Variants in USP34 observed in about 807,000 individuals in gnomAD.
The protein encoded by USP34 is ubiquitin carboxyl-terminal hydrolase 34.
A neutral mutation model predicts 460.3 loss-of-function variants in USP34; 70 were observed. That is an observed-to-expected ratio of 0.15 (90% CI 0.13 to 0.19). The LOEUF (loss-of-function observed/expected upper bound fraction) is 0.19, where lower values mean the gene tolerates loss of function less well. Ranked by LOEUF, USP34 falls within the 10% of genes least tolerant of loss-of-function variation. The pLI, the probability that USP34 is intolerant of heterozygous loss-of-function variation, is 1.00. For missense variants in USP34, 3,985 were observed against 4,236.2 expected, an observed-to-expected ratio of 0.94 and a Z score of 1.65; for synonymous variants, 1,647 against 1,405.3, an observed-to-expected ratio of 1.17 and a Z score of -3.85.
chr2:61,371,588 TAA>T (rs1394182878), intron 8 of USP34, among the ~76,000 whole-genome samples: 7 of 151,902 alleles, frequency 4.6e-5, no homozygotes, highest in African/African-American at 1.5e-4. Flanking sequence ...TAAAAGTAAA[TAA>T]AAAGTTAGAG....
chr2:61,319,033 A>T (rs192358563), intron 22 of USP34, 140 bp downstream of exon 22: 3 of 757,866 alleles, frequency 4.0e-6, no homozygotes, highest in Non-Finnish European at 5.9e-6. Context: ...ACCAAAAATT[A>T]TATTAGGACT....
At chr2:61,402,310 T>TCC (rs944703199) in intron 3 of USP34, among the ~76,000 whole-genome samples, 2 of 152,020 alleles carry the variant, frequency 1.3e-5, no homozygotes, top group Admixed American at 6.6e-5. Flanking sequence ...ACTAGGCCAT[T>TCC]CCCCCTTTTG....
At chr2:61,362,577 G>A (rs1033651596) in intron 10 of USP34, among the ~76,000 whole-genome samples, 19 of 152,164 alleles carry the variant, frequency 1.2e-4, no homozygotes, top group African/African-American at 4.6e-4. Flanking sequence ...GATAAATGCT[G>A]CATAGTCTCA....
chr2:61,305,862 T>C (rs1216342732), intron 27 of USP34, among the ~76,000 whole-genome samples: 1 of 152,080 alleles, frequency 6.6e-6, no homozygotes, highest in African/African-American at 2.4e-5. Context: ...AGCCAAATAA[T>C]AACAGAACAA....
chr2:61,405,218 G>A (rs1400306599), intron 3 of USP34, among the ~76,000 whole-genome samples: 5 of 98,600 alleles, frequency 5.1e-5, no homozygotes, highest in African/African-American at 2.1e-4. Flanking sequence ...GGGCAACAGA[G>A]AGAGACTCCA....
In USP34 at chr2:61,293,499, T is replaced by C. The variant is rs767699479; in HGVS notation, c.4513A>G (p.Ile1505Val). ...QQLLEIFNSG[I>V]LEPKEQESWT... ...GATTCCTGCTCTTTAGGCTCTAGAATTCCAGAATTAAAAATTTCTAATAAC... is the reference window on the plus strand; with the variant it reads ...GATTCCTGCTCTTTAGGCTCTAGAACTCCAGAATTAAAAATTTCTAATAAC... Residue 1505 changes from isoleucine to valine, a missense_variant, in exon 33 of 80, where the codon ATT becomes GTT. Physicochemically the swap from Ile to Val is conservative, Grantham distance 29. This residue lies in a region of USP34 where 1,114 missense variants were observed against 1,122.5 expected (regional missense o/e 0.99). Transcript: ENST00000398571. 5.0e-6 allele frequency: 8 copies of C among 1,613,068 alleles called. No individual in the cohort carries two copies. In the South Asian group the frequency reaches 8.8e-5, roughly 18 times the overall value.
chr2:61,246,174 T>C, intron 50 of USP34, 150 bp downstream of exon 50: 1 of 506,882 alleles, frequency 2.0e-6, no homozygotes, highest in Non-Finnish European at 3.3e-6. Context: ...AGAACTGATT[T>C]ACACTGTCTG....
In USP34 at chr2:61,232,540, A is replaced by G. The variant is rs771768334; in HGVS notation, c.7033-8T>C. On this transcript the variant is annotated splice_polypyrimidine_tract_variant and splice_region_variant and intron_variant, in intron 57 of 79. Transcript: ENST00000398571. ...CATACGATCTAAAAACCACTGTTAA[A>G]AAAAAATACAGCATGACTTTAACAT... 30 of 1,599,026 alleles carry G rather than the reference A, an allele frequency of 1.9e-5. No individual in the cohort carries two copies. Among genetic ancestry groups the G allele is most frequent in the Non-Finnish European group, 2.6e-5 (30 of 1,175,190 alleles).
intron 74 of USP34, among the ~76,000 whole-genome samples, chr2:61,203,769 T>C (rs1226262254): frequency 6.6e-6 from 1 of 152,154 alleles, no homozygotes; most frequent in African/African-American, 2.4e-5. Context: ...TGTATCAATG[T>C]ACCTTGTCTC....
intron 10 of USP34, among the ~76,000 whole-genome samples, chr2:61,356,676 CAG>C (rs1572964257): frequency 6.6e-6 from 1 of 152,036 alleles, no homozygotes; most frequent in South Asian, 2.1e-4. Flanking sequence ...ATCACGGAAA[CAG>C]AAAGTAGAAT....
At chr2:61,318,515 T>G (rs779582358) in intron 22 of USP34, among the ~76,000 whole-genome samples, 1 of 152,182 alleles carries the variant, frequency 6.6e-6, no homozygotes, top group Non-Finnish European at 1.5e-5. Context: ...AGTTCCAACA[T>G]GGAGATAACG....
At chr2:61,295,075 A>T (rs1689984836) in intron 31 of USP34, 43 bp from the exon 32 acceptor site, 1 of 1,603,286 alleles carries the variant, frequency 6.2e-7, no homozygotes, top group African/African-American at 1.3e-5. Context: ...GGCGGAAGAA[A>T]GAATTATTAT....
chr2:61,300,036 T>G (rs1175828183), intron 29 of USP34, among the ~76,000 whole-genome samples: 2 of 152,200 alleles, frequency 1.3e-5, no homozygotes, highest in Admixed American at 6.5e-5. Context: ...TTTGACCTGT[T>G]GTCGATTTAT....
intron 10 of USP34, among the ~76,000 whole-genome samples, chr2:61,350,963 C>A (rs1283824663): frequency 6.6e-6 from 1 of 152,154 alleles, no homozygotes; most frequent in Non-Finnish European, 1.5e-5. Context: ...TGGCTGATGC[C>A]TGTAATTCCA....
intron 12 of USP34, among the ~76,000 whole-genome samples, chr2:61,349,898 C>A (rs1390313692): frequency 6.6e-6 from 1 of 151,846 alleles, no homozygotes; most frequent in African/African-American, 2.4e-5. Context: ...CCTGACATGG[C>A]AGAAAACTTT....
At chr2:61,306,341 G>T (rs1307973949) in intron 27 of USP34, among the ~76,000 whole-genome samples, 1 of 152,122 alleles carries the variant, frequency 6.6e-6, no homozygotes, top group Non-Finnish European at 1.5e-5. Flanking sequence ...TTTCCCCATT[G>T]CTTATTTTTG....
chr2:61,455,397 C>T (rs1695407810), intron 1 of USP34, among the ~76,000 whole-genome samples: 1 of 151,836 alleles, frequency 6.6e-6, no homozygotes, highest in South Asian at 2.1e-4. Context: ...AGGCTGGTCT[C>T]GAACTCCTGA....
chr2:61,264,811 G>T (rs949759278), intron 43 of USP34, among the ~76,000 whole-genome samples: 1 of 152,064 alleles, frequency 6.6e-6, no homozygotes, highest in Non-Finnish European at 1.5e-5. Flanking sequence ...ATTGCTTGAG[G>T]CCAGGAGTTG....
At chr2:61,359,432 TAACA>T (rs1279369329) in intron 10 of USP34, among the ~76,000 whole-genome samples, 1 of 152,222 alleles carries the variant, frequency 6.6e-6, no homozygotes, top group Non-Finnish European at 1.5e-5. Flanking sequence ...ACACCACATG[TAACA>T]AATCAAAACA....
Sources: gnomAD v4.1 joint callset for allele counts (sites outside exome capture counted in the v4.1 genomes callset) on GRCh38, gnomAD v4.1.1 for gene constraint, gnomAD v4.1.1 regional missense constraint, MANE v1.5 for transcripts, NCBI Gene and HGNC (gene_info 2026-07-23, HGNC 2026-07-21) for gene names.